Variants in SGK3 observed in about 807,000 individuals in gnomAD.
The protein encoded by SGK3 is serum/glucocorticoid regulated kinase family member 3.
A neutral mutation model predicts 68.5 loss-of-function variants in SGK3; 47 were observed. The ratio of observed to expected loss-of-function variants is 0.69; its 90% confidence interval spans 0.54 to 0.87. SGK3 has a LOEUF of 0.87. SGK3 is among the 40% of genes least tolerant of loss of function. SGK3 has a pLI of 0.00. For synonymous variants in SGK3, 181 were observed against 189.1 expected, an observed-to-expected ratio of 0.96 and a Z score of 0.35; for missense variants, 479 against 575.5, an observed-to-expected ratio of 0.83 and a Z score of 1.72.
intron 1 of SGK3, among the ~76,000 whole-genome samples, chr8:66,755,952 G>C (rs896305487): frequency 2.0e-5 from 3 of 152,138 alleles, no homozygotes; most frequent in African/African-American, 2.4e-5. Flanking sequence ...GCCAAAGTGT[G>C]ATAGCCTGAA....
At position 66,831,260 on chromosome 8, in the gene SGK3, A is replaced by G. The variant is rs1184571770; in HGVS notation, c.474A>G (p.Lys158=). 6.2e-7 allele frequency: 1 copy of G among 1,614,110 alleles called. No individual in the cohort carries two copies. The highest frequency in any genetic ancestry group is 8.5e-7 in the Non-Finnish European group (1 of 1,179,972). ...TATTGTTAATTTATTTCAGTGCCAA[A>G]CCAACTGACTTTGATTTCTTAAAAG... ...NLGPSGNPHA[K]PTDFDFLKVI... The change falls in exon 8 of 17, where the codon AAA becomes AAG. Residue 158 remains lysine (K), a synonymous_variant. Coordinates refer to ENST00000521198, the MANE Select transcript of SGK3 (RefSeq NM_001033578.3).
Position 66,859,520 on chromosome 8 carries a change from A to G in SGK3, c.1430A>G (p.Glu477Gly). The G allele has an allele frequency of 1.2e-6, 2 of 1,613,656 alleles. No homozygotes were observed. Among genetic ancestry groups the G allele is most frequent in the Non-Finnish European group, 1.7e-6 (2 of 1,179,766 alleles). ...TCTATAGTGAATGCCAGTGTATTGG[A>G]GGCAGATGATGCATTCGTTGGTTTC... Reference protein sequence around the residue: ...DYSIVNASVLEADDAFVGFSY... With the variant: ...DYSIVNASVLGADDAFVGFSY... Residue 477 changes from glutamate (E) to glycine (G), a missense_variant, in exon 17 of 17, where the codon GAG becomes GGG. Glu to Gly is a moderately conservative substitution (Grantham distance 98). Transcript: ENST00000521198.
chr8:66,837,897 C>T (rs1034876596), intron 10 of SGK3, among the ~76,000 whole-genome samples: 1 of 152,122 alleles, frequency 6.6e-6, no homozygotes, highest in Non-Finnish European at 1.5e-5. Context: ...TGAAGGTTGT[C>T]GTTTAATTTT....
At position 66,805,536 on chromosome 8, in the gene SGK3, A is replaced by G. The variant is rs561921359; in HGVS notation, c.253+1089A>G. Among the ~76,000 whole-genome samples, 396 of 151,822 alleles carry G rather than the reference A, an allele frequency of 2.6e-3. 9 individuals are homozygous for G. Among genetic ancestry groups the G allele is most frequent in the Admixed American group, 0.022 (333 of 15,238 alleles). On this transcript the variant is annotated intron_variant, in intron 4 of 16. Coordinates refer to ENST00000521198, the MANE Select transcript of SGK3 (RefSeq NM_001033578.3). ...CTTCATCTCAAAAAAAAAAAAAAAA[A>G]AGAGAGAGGGACATCCTATTGCTTA...
At chr8:66,811,798 C>T (rs1808391718) in intron 4 of SGK3, among the ~76,000 whole-genome samples, 1 of 152,198 alleles carries the variant, frequency 6.6e-6, no homozygotes, top group Non-Finnish European at 1.5e-5. Context: ...TAAATGTAGT[C>T]ATTCATTTTA....
At chr8:66,796,681 A>G (rs1343189800) in intron 2 of SGK3, among the ~76,000 whole-genome samples, 1 of 152,088 alleles carries the variant, frequency 6.6e-6, no homozygotes, top group Non-Finnish European at 1.5e-5. Flanking sequence ...AATGTGTTGC[A>G]TTCTAGGTGT....
rs1168445012 is a variant in SGK3 at position 66,822,412 on chromosome 8, C to T, written c.370C>T (p.His124Tyr). ...RAFLQMDSPK[H>Y]QSDPSEDEDE... The stretch of plus-strand genomic sequence containing the variant: ...ATTCCTTCAAATGGACAGTCCAAAA[C>T]ACCAGTCAGATCCATCTGAAGATGA... The change falls in exon 6 of 17, where the codon CAC becomes TAC. Residue 124 changes from histidine to tyrosine, a missense_variant. By Grantham distance (83) the His-to-Tyr change is moderately conservative. Around this residue, in one of 3 missense-constraint regions of SGK3, gnomAD observed 298 missense variants for 329.4 expected, o/e 0.90. Transcript: ENST00000521198. 6.2e-7 allele frequency: 1 copy of T among 1,611,378 alleles called. No individual in the cohort carries two copies. Among genetic ancestry groups the T allele is most frequent in the South Asian group, 1.1e-5 (1 of 90,508 alleles).
At chr8:66,752,385 A>G (rs1805843906) in intron 1 of SGK3, among the ~76,000 whole-genome samples, 1 of 152,202 alleles carries the variant, frequency 6.6e-6, no homozygotes, top group Admixed American at 6.5e-5. Flanking sequence ...TACAGGGCAG[A>G]TATTATGCTA....
intron 1 of SGK3, among the ~76,000 whole-genome samples, chr8:66,740,501 A>G (rs1389777723): frequency 6.6e-6 from 1 of 152,224 alleles, no homozygotes; most frequent in Non-Finnish European, 1.5e-5. Context: ...CATGGAACAT[A>G]GTAACACCTC....
At chr8:66,722,473 G>A (rs1804822794) in intron 1 of SGK3, among the ~76,000 whole-genome samples, 1 of 152,234 alleles carries the variant, frequency 6.6e-6, no homozygotes, top group East Asian at 1.9e-4. Flanking sequence ...AGTAGAGATG[G>A]GGTTTCACCA....
intron 16 of SGK3, among the ~76,000 whole-genome samples, chr8:66,857,719 G>A (rs1810570196): frequency 6.6e-6 from 1 of 151,980 alleles, no homozygotes; most frequent in Admixed American, 6.6e-5. Context: ...GGAGGTCGAA[G>A]CTGCAGTGAG....
At chr8:66,821,175 A>C (rs1808798306) in intron 5 of SGK3, among the ~76,000 whole-genome samples, 2 of 151,974 alleles carry the variant, frequency 1.3e-5, no homozygotes, top group Admixed American at 1.3e-4. Flanking sequence ...CTCTAATTTT[A>C]GTCCGTTTTT....
At chr8:66,781,460 G>A (rs534815827) in intron 1 of SGK3, among the ~76,000 whole-genome samples, 28 of 152,194 alleles carry the variant, frequency 1.8e-4, no homozygotes, top group East Asian at 5.8e-4. Flanking sequence ...GCTGTCCTCC[G>A]GCCTCAGCCT....
intron 1 of SGK3, among the ~76,000 whole-genome samples, chr8:66,765,621 C>T (rs1322385760): frequency 3.9e-5 from 6 of 152,068 alleles, no homozygotes; most frequent in South Asian, 2.1e-4. Flanking sequence ...CACTCCACAA[C>T]GTTCGATATG....
intron 4 of SGK3, among the ~76,000 whole-genome samples, chr8:66,808,514 T>A (rs899257496): frequency 4.2e-4 from 49 of 116,862 alleles, no homozygotes; most frequent in Middle Eastern, 4.4e-3. Flanking sequence ...AATCCTGTAA[T>A]TTTTTTTTTT....
intron 1 of SGK3, among the ~76,000 whole-genome samples, chr8:66,738,838 G>A (rs1319773199): frequency 6.6e-6 from 1 of 152,096 alleles, no homozygotes; most frequent in Non-Finnish European, 1.5e-5. Flanking sequence ...CACCATGTTA[G>A]CCAGGATGGT....
chr8:66,716,536 T>A (rs961694309), intron 1 of SGK3, among the ~76,000 whole-genome samples: 1 of 115,872 alleles, frequency 8.6e-6, no homozygotes, highest in Non-Finnish European at 1.6e-5. Context: ...TCTATTACGC[T>A]AAAGCAAAAT....
chr8:66,859,380 G>A (rs1411711250), intron 16 of SGK3, 31 bp from the exon 17 acceptor site: 8 of 1,515,004 alleles, frequency 5.3e-6, no homozygotes, highest in Non-Finnish European at 7.1e-6. Flanking sequence ...GAAAAGCTAA[G>A]GTGAATAATA....
At chr8:66,748,360 A>G (rs1348752916) in intron 1 of SGK3, among the ~76,000 whole-genome samples, 1 of 152,202 alleles carries the variant, frequency 6.6e-6, no homozygotes, top group East Asian at 1.9e-4. Context: ...GGCAACCTAT[A>G]AAAACAACAG....
Sources: gnomAD v4.1 joint callset for allele counts (sites outside exome capture counted in the v4.1 genomes callset) on GRCh38, gnomAD v4.1.1 for gene constraint, gnomAD v4.1.1 regional missense constraint, MANE v1.5 for transcripts, NCBI Gene and HGNC (gene_info 2026-07-23, HGNC 2026-07-21) for gene names.